The following L3MBTL3 variants were observed in gnomAD, a reference collection of about 807,000 sequenced individuals.
The protein encoded by L3MBTL3 is lethal(3)malignant brain tumor-like protein 3.
Under a neutral mutation model 102.3 loss-of-function variants are expected in L3MBTL3, and 27 were observed. The ratio of observed to expected loss-of-function variants is 0.26; its 90% confidence interval spans 0.19 to 0.36. L3MBTL3 has a LOEUF of 0.36. Ranked by LOEUF, L3MBTL3 falls within the 10% of genes least tolerant of loss-of-function variation. The probability of loss-of-function intolerance (pLI) is 1.00; values close to 1 mark genes in which losing one functional copy is unlikely to be tolerated. For missense variants in L3MBTL3, 798 were observed against 955.3 expected, an observed-to-expected ratio of 0.84 and a Z score of 2.17; for synonymous variants, 340 against 320.9, an observed-to-expected ratio of 1.06 and a Z score of -0.64.
At chr6:130,094,953 G>A (rs934707737) in intron 18 of L3MBTL3, among the ~76,000 whole-genome samples, 2 of 152,042 alleles carry the variant, frequency 1.3e-5, no homozygotes, top group African/African-American at 4.8e-5. Flanking sequence ...TACTACTAAA[G>A]TACAGCTACT....
chr6:130,114,448 C>T (rs1785539605), intron 19 of L3MBTL3, among the ~76,000 whole-genome samples: 2 of 152,216 alleles, frequency 1.3e-5, no homozygotes, highest in Admixed American at 6.5e-5. Context: ...TAGAGTCTCA[C>T]TCTTAAGAGA....
At chr6:130,124,853 C>A (rs1408742991) in intron 20 of L3MBTL3, among the ~76,000 whole-genome samples, 1 of 152,034 alleles carries the variant, frequency 6.6e-6, no homozygotes, top group Non-Finnish European at 1.5e-5. Flanking sequence ...GGCTGTAATC[C>A]CAGCTACTCG....
At chr6:130,076,308 A>G (rs961571011) in intron 13 of L3MBTL3, among the ~76,000 whole-genome samples, 1 of 152,184 alleles carries the variant, frequency 6.6e-6, no homozygotes, top group Non-Finnish European at 1.5e-5. Context: ...GCATGTGTGC[A>G]TTAGTTTTTG....
chr6:130,097,699 T>G (rs779161329), intron 18 of L3MBTL3, among the ~76,000 whole-genome samples: 2 of 152,126 alleles, frequency 1.3e-5, no homozygotes, highest in Non-Finnish European at 1.5e-5. Flanking sequence ...GTGTTTCCCT[T>G]TGTCACTTCA....
chr6:130,114,362 C>T (rs891644819), intron 19 of L3MBTL3, among the ~76,000 whole-genome samples: 1 of 152,204 alleles, frequency 6.6e-6, no homozygotes, highest in African/African-American at 2.4e-5. Context: ...CAATTTCTGA[C>T]TCAGGAAACC....
chr6:130,021,832 TTTAAAGTCC>T (rs1779037087), intron 1 of L3MBTL3, among the ~76,000 whole-genome samples: 1 of 152,244 alleles, frequency 6.6e-6, no homozygotes, highest in Non-Finnish European at 1.5e-5. Flanking sequence ...TAATTTGTGA[TTTAAAGTCC>T]TTAAATACAT....
chr6:130,074,284 C>T (rs1782817694), intron 13 of L3MBTL3, among the ~76,000 whole-genome samples: 1 of 152,076 alleles, frequency 6.6e-6, no homozygotes, highest in African/African-American at 2.4e-5. Context: ...CAAAGAGGAA[C>T]ATGATAAAAA....
intron 14 of L3MBTL3, among the ~76,000 whole-genome samples, chr6:130,081,493 A>G (rs1051947153): frequency 6.0e-5 from 9 of 150,556 alleles, no homozygotes; most frequent in Middle Eastern, 3.4e-3. Context: ...ATCTTGGCTC[A>G]CTGTAAATTC....
intron 2 of L3MBTL3, among the ~76,000 whole-genome samples, chr6:130,033,709 A>G (rs931069043): frequency 6.6e-6 from 1 of 152,140 alleles, no homozygotes; most frequent in African/African-American, 2.4e-5. Context: ...TTTTATAACT[A>G]TTCTTAACTC....
chr6:130,129,390 T>G (rs1255602113), intron 20 of L3MBTL3, among the ~76,000 whole-genome samples: 1 of 152,222 alleles, frequency 6.6e-6, no homozygotes, highest in African/African-American at 2.4e-5. Context: ...CATTTTAATG[T>G]ACTGTCACTT....
intron 19 of L3MBTL3, among the ~76,000 whole-genome samples, chr6:130,118,934 A>G (rs1487130463): frequency 1.3e-5 from 2 of 152,218 alleles, no homozygotes; most frequent in African/African-American, 4.8e-5. Flanking sequence ...AGTTCAGAAA[A>G]TAAGTAATTG....
chr6:130,114,757 T>A (rs190653652), intron 19 of L3MBTL3, among the ~76,000 whole-genome samples: 2 of 152,338 alleles, frequency 1.3e-5, no homozygotes, highest in East Asian at 3.9e-4. Flanking sequence ...TGCTGTTGTA[T>A]CATCTCAAAA....
At chr6:130,108,636 T>G (rs1480513840) in intron 19 of L3MBTL3, among the ~76,000 whole-genome samples, 1 of 152,176 alleles carries the variant, frequency 6.6e-6, no homozygotes, top group African/African-American at 2.4e-5. Flanking sequence ...ACCATTTGTT[T>G]ACTATATTTT....
intron 9 of L3MBTL3, among the ~76,000 whole-genome samples, chr6:130,059,813 A>G (rs1035949761): frequency 6.6e-6 from 1 of 152,208 alleles, no homozygotes; most frequent in African/African-American, 2.4e-5. Context: ...CTTTTCAAAT[A>G]TGTAAAAGAC....
At chr6:130,108,241 T>TG (rs1285607946) in intron 19 of L3MBTL3, among the ~76,000 whole-genome samples, 13 of 141,292 alleles carry the variant, frequency 9.2e-5, no homozygotes, top group African/African-American at 2.8e-4. Context: ...GTTTTTTTTT[T>TG]TTTTTTTTTT....
In L3MBTL3 at chr6:130,108,220, G is replaced by GTTTTTTTTTTTTT. The variant is rs376419261; in HGVS notation, c.1886+3655_1886+3656insTTTTTTTTTTTTT. Among the ~76,000 whole-genome samples, 4 of 118,700 alleles carry GTTTTTTTTTTTTT rather than the reference G, an allele frequency of 3.4e-5. 1 individual carries two copies. Among genetic ancestry groups the GTTTTTTTTTTTTT allele is most frequent in the Admixed American group, 1.9e-4 (2 of 10,360 alleles). The allele number at this position is 118,700 out of a possible 152,430, so 77.9% of individuals were successfully genotyped here. A position where few individuals can be genotyped will look rare whatever the true frequency, so the allele number is the denominator to read the frequency against. On this transcript the variant is annotated intron_variant, in intron 19 of 22. Transcript: ENST00000361794. ...ATAAGCCCTCAATAAATGTTAGGTG[G>GTTTTTTTTTTTTT]TTTTTTTTTTGTTTTTTTTTTTTTT...
intron 16 of L3MBTL3, among the ~76,000 whole-genome samples, chr6:130,087,693 G>A (rs1472051667): frequency 6.6e-6 from 1 of 152,114 alleles, no homozygotes; most frequent in Non-Finnish European, 1.5e-5. Flanking sequence ...GCTGTTTATA[G>A]TACTTAACAT....
At chr6:130,029,933 C>T (rs936945068) in intron 2 of L3MBTL3, among the ~76,000 whole-genome samples, 3 of 152,134 alleles carry the variant, frequency 2.0e-5, no homozygotes, top group African/African-American at 4.8e-5. Context: ...AAGCGATTCT[C>T]GTGCTTCAGC....
At chr6:130,091,647 A>G (rs936055915) in intron 16 of L3MBTL3, among the ~76,000 whole-genome samples, 3 of 152,148 alleles carry the variant, frequency 2.0e-5, no homozygotes, top group Non-Finnish European at 4.4e-5. Flanking sequence ...GAAGTGGTAT[A>G]TATACACAAC....
Sources: gnomAD v4.1 joint callset for allele counts (sites outside exome capture counted in the v4.1 genomes callset) on GRCh38, gnomAD v4.1.1 for gene constraint, MANE v1.5 for transcripts, NCBI Gene and HGNC (gene_info 2026-07-23, HGNC 2026-07-21) for gene names.